Variants in SUZ12 observed in about 807,000 individuals in gnomAD.
SUZ12 encodes SUZ12 polycomb repressive complex 2 subunit, also known as polycomb protein SUZ12.
In SUZ12, 17 loss-of-function variants were observed where a neutral mutation model predicts 87.3. The observed-to-expected ratio is 0.19, with a 90% CI of 0.13 to 0.29. The LOEUF (loss-of-function observed/expected upper bound fraction) is 0.29. Ranked by LOEUF, SUZ12 falls within the 10% of genes least tolerant of loss-of-function variation. SUZ12 has a pLI of 1.00. For synonymous variants in SUZ12, 253 were observed against 312.4 expected, an observed-to-expected ratio of 0.81 and a Z score of 2.01; for missense variants, 526 against 912.2, an observed-to-expected ratio of 0.58 and a Z score of 5.45.
chr17:31,965,251 A>T (rs1016411192), intron 4 of SUZ12, among the ~76,000 whole-genome samples: 2 of 152,024 alleles, frequency 1.3e-5, no homozygotes, highest in African/African-American at 4.8e-5. Context: ...TCCTTTCCCC[A>T]CCATCTGTTC....
chr17:31,943,957 A>G (rs1906462067), intron 3 of SUZ12, among the ~76,000 whole-genome samples: 1 of 151,804 alleles, frequency 6.6e-6, no homozygotes, highest in African/African-American at 2.4e-5. Flanking sequence ...TGGCCTCCCA[A>G]AGTGCTGGGA....
chr17:31,938,286 C>G (rs1313161022), intron 1 of SUZ12, among the ~76,000 whole-genome samples: 1 of 152,176 alleles, frequency 6.6e-6, no homozygotes, highest in Admixed American at 6.5e-5. Context: ...CCTGATTGTT[C>G]TTTAAGGAAT....
At chr17:31,973,629 G>T (rs1343491419) in intron 6 of SUZ12, among the ~76,000 whole-genome samples, 1 of 152,174 alleles carries the variant, frequency 6.6e-6, no homozygotes, top group Non-Finnish European at 1.5e-5. Flanking sequence ...CTCAGGCAAA[G>T]AAATTTTGTT....
At chr17:31,948,991 G>C (rs1906791314) in intron 4 of SUZ12, among the ~76,000 whole-genome samples, 1 of 151,656 alleles carries the variant, frequency 6.6e-6, no homozygotes, top group South Asian at 2.1e-4. Context: ...ACTGTAGTAA[G>C]ATCCTGGTCT....
At chr17:31,942,641 T>C (rs112535517) in intron 3 of SUZ12, among the ~76,000 whole-genome samples, 4,184 of 152,180 alleles carry the variant, frequency 0.027, 85 homozygotes, top group Non-Finnish European at 0.042. Context: ...CCGGCCTTGG[T>C]GGTGGTCTTA....
intron 14 of SUZ12, among the ~76,000 whole-genome samples, chr17:31,996,279 T>C (rs1458142791): frequency 6.6e-6 from 1 of 152,144 alleles, no homozygotes; most frequent in Admixed American, 6.5e-5. Flanking sequence ...TATTGTGTGT[T>C]TTCATTTCTA....
intron 4 of SUZ12, among the ~76,000 whole-genome samples, chr17:31,954,591 G>C (rs1384066483): frequency 6.6e-6 from 1 of 151,934 alleles, no homozygotes; most frequent in Non-Finnish European, 1.5e-5. Flanking sequence ...TGTTAGGGGA[G>C]AAAGACATAA....
chr17:31,968,086 C>G (rs979951653), intron 5 of SUZ12, among the ~76,000 whole-genome samples: 4 of 152,128 alleles, frequency 2.6e-5, no homozygotes, highest in African/African-American at 9.7e-5. Context: ...GGGAGGATTG[C>G]TTGAGTCTTG....
intron 12 of SUZ12, 77 bp downstream of exon 12, chr17:31,994,085 C>A: frequency 4.4e-6 from 6 of 1,371,682 alleles, no homozygotes; most frequent in South Asian, 1.6e-5. Flanking sequence ...TCTATGTACC[C>A]ACAAAAATTT....
intron 9 of SUZ12, among the ~76,000 whole-genome samples, chr17:31,987,439 A>G (rs1408696416): frequency 6.6e-6 from 1 of 152,212 alleles, no homozygotes; most frequent in Non-Finnish European, 1.5e-5. Flanking sequence ...TCAGATGGCT[A>G]AAAGTTAGCT....
chr17:31,996,968 C>G (rs181386886), intron 15 of SUZ12, 91 bp downstream of exon 15: 1 of 834,116 alleles, frequency 1.2e-6, no homozygotes, highest in East Asian at 3.4e-5. Flanking sequence ...GTGTTAGAAT[C>G]TTATTTAAAA....
chr17:31,979,000 G>A (rs1280519303), intron 8 of SUZ12, among the ~76,000 whole-genome samples: 2 of 151,378 alleles, frequency 1.3e-5, no homozygotes, highest in Non-Finnish European at 2.9e-5. Flanking sequence ...CAGCTACTCG[G>A]GAGGCTGAGG....
At chr17:31,938,400 C>T (rs1426304550) in intron 1 of SUZ12, among the ~76,000 whole-genome samples, 1 of 152,106 alleles carries the variant, frequency 6.6e-6, no homozygotes, top group African/African-American at 2.4e-5. Flanking sequence ...TTGGCTCTAC[C>T]GCCCAGTGTC....
intron 4 of SUZ12, among the ~76,000 whole-genome samples, chr17:31,952,184 C>T (rs1384534466): frequency 6.6e-6 from 1 of 152,136 alleles, no homozygotes; most frequent in Non-Finnish European, 1.5e-5. Flanking sequence ...TCTTAGCCTC[C>T]TGAATAGCTA....
chr17:31,996,201 C>T (rs1909970959), intron 14 of SUZ12, among the ~76,000 whole-genome samples: 2 of 152,074 alleles, frequency 1.3e-5, no homozygotes, highest in Non-Finnish European at 2.9e-5. Flanking sequence ...CAGAGGGAGA[C>T]CCTGTATCAA....
chr17:31,991,013 C>T (rs928890212), intron 10 of SUZ12, among the ~76,000 whole-genome samples: 5 of 152,174 alleles, frequency 3.3e-5, no homozygotes, highest in Admixed American at 2.6e-4. Flanking sequence ...TCCCAAAGTA[C>T]TGGGACTACA....
intron 3 of SUZ12, among the ~76,000 whole-genome samples, chr17:31,945,589 A>G (rs1211091154): frequency 6.6e-6 from 1 of 152,178 alleles, no homozygotes. Flanking sequence ...TTCCTTCTTT[A>G]AATCTGACCT....
chr17:31,952,500 G>A (rs917686926), intron 4 of SUZ12, among the ~76,000 whole-genome samples: 1 of 152,106 alleles, frequency 6.6e-6, no homozygotes, highest in African/African-American at 2.4e-5. Flanking sequence ...TTTGTGTAGT[G>A]GTATATGCTA....
chr17:31,945,115 T>G (rs1235295692), intron 3 of SUZ12, among the ~76,000 whole-genome samples: 5 of 150,776 alleles, frequency 3.3e-5, no homozygotes, highest in Non-Finnish European at 7.4e-5. Context: ...TCTTGTTAGA[T>G]GCCTGATCTT....
Sources: allele counts gnomAD v4.1 joint callset (sites outside exome capture counted in the v4.1 genomes callset), GRCh38; gene constraint gnomAD v4.1.1; transcripts MANE v1.5; gene names NCBI Gene and HGNC (gene_info 2026-07-23, HGNC 2026-07-21).